ZNF558: variants seen among roughly 807,000 people sequenced by gnomAD.
ZNF558 encodes the protein zinc finger protein 558.
Under a neutral mutation model 37.6 loss-of-function variants are expected in ZNF558, and 23 were observed. The ratio of observed to expected loss-of-function variants is 0.61; its 90% confidence interval spans 0.44 to 0.87. ZNF558 has a LOEUF of 0.87. ZNF558 is among the 40% of genes least tolerant of loss of function. The pLI, the probability that ZNF558 is intolerant of heterozygous loss-of-function variation, is 0.00. For missense variants in ZNF558, 429 were observed against 483.7 expected (o/e 0.89, Z 1.06); for synonymous variants, 189 against 174.4 (o/e 1.08, Z -0.66).
intron 2 of ZNF558, among the ~76,000 whole-genome samples, chr19:8,827,315 T>G (rs2044253390): frequency 6.6e-6 from 1 of 152,124 alleles, no homozygotes; most frequent in Non-Finnish European, 1.5e-5. Flanking sequence ...AGAAAATAAA[T>G]TTTATTTTTT....
At chr19:8,829,895 C>T (rs188785667) in intron 2 of ZNF558, among the ~76,000 whole-genome samples, 448 of 152,308 alleles carry the variant, frequency 2.9e-3, no homozygotes, top group Non-Finnish European at 4.7e-3. Flanking sequence ...TAACATGATT[C>T]TCTGCAATAT....
In ZNF558 at chr19:8,806,777, G is replaced by A. The variant is rs1250965090; in HGVS notation, c.*4504C>T. ...TTGAAGAATATTTTCTTAGGTTACA[G>A]AACTTTTGATTGACAATTTCCCCCT... On this transcript the variant is annotated 3_prime_UTR_variant, in exon 10 of 10. Coordinates refer to ENST00000601372, the MANE Select transcript of ZNF558 (RefSeq NM_144693.3). 6.0e-5 allele frequency: 9 copies of A among 151,174 alleles called. No individual in the cohort carries two copies. The highest frequency in any genetic ancestry group is 1.3e-4 in the Non-Finnish European group (9 of 67,926). 9.4% of individuals were successfully genotyped at this position (151,174 alleles called of 1,614,324 possible).
rs369625568 is a variant in ZNF558 at position 8,822,074 on chromosome 19, G to C, written c.49C>G (p.Pro17Ala). The C allele has an allele frequency of 3.7e-6, 6 of 1,613,924 alleles. No individual in the cohort carries two copies. The highest frequency in any genetic ancestry group is 1.3e-5 in the African/African-American group (1 of 74,898). The change falls in exon 6 of 10, where the codon CCA (proline) becomes GCA (alanine). Residue 17 changes from proline (P) to alanine (A), a missense_variant. By Grantham distance (27) the Pro-to-Ala change is conservative (BLOSUM62 -1). Coordinates refer to ENST00000601372, the MANE Select transcript of ZNF558 (RefSeq NM_144693.3). This position sits in a 1 kb window ranked among gnomAD's most constrained non-coding sequence, Gnocchi z 4.4. ...GTGTGTCCTTTTTGCTGAGAGGCTG[G>C]GAACAGGGAAGACGGAGCTGGAGGA... Reference protein sequence around the residue: ...PSTAAPSSLFPASQQKGHTQG... With the variant: ...PSTAAPSSLFAASQQKGHTQG...
At chr19:8,817,346 T>C (rs891548767) in intron 7 of ZNF558, among the ~76,000 whole-genome samples, 1 of 152,156 alleles carries the variant, frequency 6.6e-6, no homozygotes, top group Non-Finnish European at 1.5e-5. Flanking sequence ...CTACAACCAT[T>C]CTATTTTTCA....
chr19:8,825,966 G>A (rs181473263), intron 2 of ZNF558, among the ~76,000 whole-genome samples: 2 of 152,324 alleles, frequency 1.3e-5, no homozygotes, highest in East Asian at 1.9e-4. Flanking sequence ...TTATAAAAGG[G>A]AAACAGGAGG....
chr19:8,831,278 G>A (rs1858635369), intron 2 of ZNF558, 40 bp downstream of exon 2: 1 of 152,122 alleles, frequency 6.6e-6, no homozygotes. Context: ...ACACAGCAGA[G>A]CCTGCTGAAA....
Position 8,825,026 on chromosome 19 carries a change from T to G in ZNF558, c.-426A>C, listed in dbSNP as rs565703827. The G allele has an allele frequency of 6.6e-6, 1 of 152,408 alleles. No homozygotes were observed. Among genetic ancestry groups the G allele is most frequent in the East Asian group, 1.9e-4 (1 of 5,172 alleles). 9.4% of individuals were successfully genotyped at this position (152,408 alleles called of 1,614,324 possible). On this transcript the variant is annotated 5_prime_UTR_variant, in exon 3 of 10. Coordinates refer to ENST00000601372, the MANE Select transcript of ZNF558 (RefSeq NM_144693.3). ...CCAGGGAGACGTGGATTGCAGCAAC[T>G]CTGGCGCTATTTCCTATCTGGCAGG...
At chr19:8,829,500 C>G (rs1294196990) in intron 2 of ZNF558, among the ~76,000 whole-genome samples, 2 of 152,198 alleles carry the variant, frequency 1.3e-5, no homozygotes, top group African/African-American at 4.8e-5. Flanking sequence ...TCCCTCTGAT[C>G]AAGTTCACTA....
chr19:8,819,299 G>A (rs1295617160), intron 7 of ZNF558, among the ~76,000 whole-genome samples: 1 of 152,164 alleles, frequency 6.6e-6, no homozygotes, highest in Non-Finnish European at 1.5e-5. Flanking sequence ...TCTTGCCTCA[G>A]CCTCCCGAGT....
intron 6 of ZNF558, 136 bp from the exon 7 acceptor site, chr19:8,821,442 C>T (rs1165120087): frequency 6.5e-7 from 1 of 1,543,178 alleles, no homozygotes; most frequent in Non-Finnish European, 8.7e-7. Flanking sequence ...CTGAGCTCAC[C>T]TCCCAGGGTT....
chr19:8,823,541 C>A (rs67274663), intron 4 of ZNF558, among the ~76,000 whole-genome samples: 16,820 of 122,956 alleles, frequency 0.14, 1,517 homozygotes, highest in East Asian at 0.23. Context: ...TGCCTGTTAC[C>A]CCAACTCCTG....
intron 9 of ZNF558, 22 bp from the exon 10 acceptor site, chr19:8,812,085 A>G: frequency 6.7e-7 from 1 of 1,503,268 alleles, no homozygotes; most frequent in Non-Finnish European, 8.9e-7. Context: ...GAGATGAATG[A>G]TAACTATAAT....
intron 1 of ZNF558, among the ~76,000 whole-genome samples, chr19:8,831,711 TTAAG>T (rs1408339733): frequency 6.6e-6 from 1 of 152,224 alleles, no homozygotes; most frequent in Non-Finnish European, 1.5e-5. Context: ...AGAGGCCCTA[TTAAG>T]TGACTAAACT....
In ZNF558 at chr19:8,811,545, A is replaced by T; in HGVS notation, c.945T>A (p.Thr315=). 6.2e-7 allele frequency: 1 copy of T among 1,614,242 alleles called. No homozygotes were observed. The highest frequency in any genetic ancestry group is 8.5e-7 in the Non-Finnish European group (1 of 1,180,038). ...SYLTQHVRTH[T]GEKPYECNEC... is the part of the protein sequence containing the mutation. Reference sequence around the variant, plus strand: ...CGTTACATTCATAGGGTTTTTCTCCAGTATGAGTTCTTACGTGCTGTGTCA... The same window carrying T: ...CGTTACATTCATAGGGTTTTTCTCCTGTATGAGTTCTTACGTGCTGTGTCA... The change falls in exon 10 of 10, where the codon ACT becomes ACA. Residue 315 remains threonine, a synonymous_variant. Coordinates refer to ENST00000601372, the MANE Select transcript of ZNF558 (RefSeq NM_144693.3).
intron 7 of ZNF558, among the ~76,000 whole-genome samples, chr19:8,816,837 C>T (rs914862289): frequency 1.3e-5 from 2 of 152,184 alleles, no homozygotes; most frequent in African/African-American, 4.8e-5. Context: ...TAAATGATTA[C>T]ACATCTACAT....
At chr19:8,828,462 A>G (rs1272080276) in intron 2 of ZNF558, among the ~76,000 whole-genome samples, 1 of 152,100 alleles carries the variant, frequency 6.6e-6, no homozygotes. Flanking sequence ...GCCAGTTAAC[A>G]TTTTCCTACT....
In ZNF558 at chr19:8,811,825, G is replaced by A; in HGVS notation, c.665C>T (p.Ser222Phe). 3.1e-6 allele frequency: 5 copies of A among 1,614,144 alleles called. No homozygotes were observed. Among genetic ancestry groups the A allele is most frequent in the Non-Finnish European group, 4.2e-6 (5 of 1,180,006 alleles). The change falls in exon 10 of 10, where the codon TCC becomes TTC. Residue 222 changes from serine (S) to phenylalanine (F), a missense_variant. Physicochemically the swap from Ser to Phe is radical, Grantham distance 155. Coordinates refer to ENST00000601372, the MANE Select transcript of ZNF558 (RefSeq NM_144693.3). ...HCGKAFSDPS[S>F]LRLHLRIHTG... is the part of the protein sequence containing the mutation. ...GTGAATTCTCAAATGCAGTCTAAGG[G>A]ATGAGGGATCACTAAATGCTTTCCC...
intron 2 of ZNF558, among the ~76,000 whole-genome samples, chr19:8,829,414 G>A (rs2044301606): frequency 6.6e-6 from 1 of 152,170 alleles, no homozygotes; most frequent in African/African-American, 2.4e-5. Context: ...GCACCACCAG[G>A]TGAGCAGACC....
At chr19:8,837,948 C>G in the ZNF558 span, among the ~76,000 whole-genome samples, 2 of 151,890 alleles carry the variant, frequency 1.3e-5, no homozygotes, top group Admixed American at 6.6e-5. Context: ...GAAATTCTAC[C>G]CAGAAGATCA....
Sources: allele counts gnomAD v4.1 joint callset (sites outside exome capture counted in the v4.1 genomes callset), GRCh38; gene constraint gnomAD v4.1.1; non-coding constraint Gnocchi (gnomAD v3.1); transcripts MANE v1.5; gene names NCBI Gene and HGNC (gene_info 2026-07-23, HGNC 2026-07-21).